Variants in EXT1 observed in about 807,000 individuals in gnomAD.
EXT1 encodes exostosin-1.
EXT1 carries 20 observed loss-of-function variants against 82.5 expected under a neutral mutation model. The observed-to-expected ratio is 0.24, with a 90% confidence interval of 0.17 to 0.35. EXT1 has a LOEUF of 0.35. Among genes scored for constraint, EXT1 ranks in the 10% least tolerant of loss-of-function variants. EXT1 has a pLI of 1.00. For missense variants in EXT1, 757 were observed against 936.5 expected, an observed-to-expected ratio of 0.81 and a Z score of 2.50; for synonymous variants, 348 against 350.8, an observed-to-expected ratio of 0.99 and a Z score of 0.09.
At position 117,976,390 on chromosome 8, in the gene EXT1, A is replaced by G. The variant is rs535895973; in HGVS notation, c.962+133695T>C. Among the ~76,000 whole-genome samples, 3 of 152,364 alleles carry G rather than the reference A, an allele frequency of 2.0e-5. No homozygotes were observed. The South Asian group carries it at 6.2e-4, about 32-fold the overall frequency. ...CACGCATAATGTTCACCCACAGTAG[A>G]ACGTGTAAACACACTCTGGCATATT... On this transcript the variant is annotated intron_variant, in intron 1 of 10. Transcript: ENST00000378204.
intron 1 of EXT1, among the ~76,000 whole-genome samples, chr8:117,980,637 G>A (rs1327688829): frequency 6.6e-6 from 1 of 150,486 alleles, no homozygotes; most frequent in Non-Finnish European, 1.5e-5. Context: ...TGACCCAGTG[G>A]TCTGTACTTT....
chr8:117,940,353 T>C (rs2129670556), intron 1 of EXT1, among the ~76,000 whole-genome samples: 1 of 152,278 alleles, frequency 6.6e-6, no homozygotes, highest in East Asian at 1.9e-4. Flanking sequence ...TCAATGGCTA[T>C]GGAATCCTGG....
intron 1 of EXT1, among the ~76,000 whole-genome samples, chr8:117,843,975 C>T (rs1410286256): frequency 1.3e-5 from 2 of 152,020 alleles, no homozygotes; most frequent in African/African-American, 4.8e-5. Flanking sequence ...ATGGGCTATT[C>T]GTTGCCAATT....
At position 118,065,197 on chromosome 8, in the gene EXT1, G is replaced by A. The variant is rs953534382; in HGVS notation, c.962+44888C>T. Among the ~76,000 whole-genome samples the A allele has an allele frequency of 2.0e-5, 3 of 152,032 alleles. 1 individual carries two copies. The South Asian group carries it at 6.2e-4, about 32-fold the overall frequency. ...TCACCATTCTAACTGGTATGAGATGGTATCTCATTGTGGTTCTGCTGTGCA... is the reference window on the plus strand; with the variant it reads ...TCACCATTCTAACTGGTATGAGATGATATCTCATTGTGGTTCTGCTGTGCA... On this transcript the variant is annotated intron_variant, in intron 1 of 10. Transcript: ENST00000378204.
intron 1 of EXT1, among the ~76,000 whole-genome samples, chr8:117,934,900 C>A (rs1814129618): frequency 6.6e-6 from 1 of 152,206 alleles, no homozygotes; most frequent in South Asian, 2.1e-4. Flanking sequence ...CTCAAAGCCA[C>A]TCCAGCCCTT....
At chr8:118,098,185 C>T (rs967166055) in intron 1 of EXT1, among the ~76,000 whole-genome samples, 30 of 152,230 alleles carry the variant, frequency 2.0e-4, no homozygotes, top group African/African-American at 6.5e-4. Context: ...TCTACCAATC[C>T]GTCAGGACAC....
intron 1 of EXT1, among the ~76,000 whole-genome samples, chr8:117,929,378 T>G (rs1814009056): frequency 6.6e-6 from 1 of 152,164 alleles, no homozygotes; most frequent in South Asian, 2.1e-4. Flanking sequence ...GGCACAAATA[T>G]GATACGAGCA....
In EXT1 at chr8:117,990,151, C is replaced by T. The variant is rs568614487; in HGVS notation, c.962+119934G>A. ...TTGCACCACTGCACTCCAGCCTAGG[C>T]GACAGAGCGAGACTCCGCCTAAAAA... On this transcript the variant is annotated intron_variant, in intron 1 of 10. Transcript: ENST00000378204. 8.2e-4 allele frequency among the ~76,000 whole-genome samples: 124 copies of T among 152,084 alleles called. 1 individual carries two copies. Among genetic ancestry groups the T allele is most frequent in the Middle Eastern group, 6.8e-3 (2 of 292 alleles).
At chr8:117,867,938 G>T (rs111549235) in intron 1 of EXT1, among the ~76,000 whole-genome samples, 17 of 152,130 alleles carry the variant, frequency 1.1e-4, no homozygotes, top group African/African-American at 4.1e-4. Flanking sequence ...GAGAAACTTG[G>T]GCTCAATATT....
chr8:117,800,861 G>A (rs920515192), intron 10 of EXT1, among the ~76,000 whole-genome samples: 1 of 152,212 alleles, frequency 6.6e-6, no homozygotes, highest in African/African-American at 2.4e-5. Context: ...ATGCCTTAAT[G>A]ACTGGAGTGC....
intron 1 of EXT1, among the ~76,000 whole-genome samples, chr8:118,063,423 A>C (rs553346097): frequency 1.3e-5 from 2 of 152,356 alleles, no homozygotes; most frequent in East Asian, 3.9e-4. Flanking sequence ...CCACAAAAGA[A>C]GATGAGGCAT....
At chr8:117,931,404 T>C (rs1385826509) in intron 1 of EXT1, among the ~76,000 whole-genome samples, 1 of 152,138 alleles carries the variant, frequency 6.6e-6, no homozygotes, top group African/African-American at 2.4e-5. Context: ...ATATTAGCAA[T>C]TGATAAATCT....
intron 10 of EXT1, among the ~76,000 whole-genome samples, chr8:117,800,601 T>C (rs1338535654): frequency 6.6e-6 from 1 of 152,232 alleles, no homozygotes; most frequent in Non-Finnish European, 1.5e-5. Context: ...TGACTAACTT[T>C]ATACTAAAAT....
intron 1 of EXT1, among the ~76,000 whole-genome samples, chr8:117,958,374 T>A (rs1814631150): frequency 6.6e-6 from 1 of 152,156 alleles, no homozygotes. Flanking sequence ...CTAAACCTTC[T>A]AAAATGACCT....
chr8:118,102,531 G>T (rs568982779), intron 1 of EXT1, among the ~76,000 whole-genome samples: 1 of 152,270 alleles, frequency 6.6e-6, no homozygotes, highest in East Asian at 1.9e-4. Context: ...TTTGTTTGCT[G>T]AAGTAGCCCC....
intron 6 of EXT1, 21 bp from the exon 7 acceptor site, chr8:117,818,551 T>A: frequency 6.3e-7 from 1 of 1,587,806 alleles, no homozygotes; most frequent in Non-Finnish European, 8.6e-7. Flanking sequence ...TGGGGCTCAT[T>A]AGATGGCTGG....
At chr8:117,857,389 CTA>C (rs1812583668) in intron 1 of EXT1, among the ~76,000 whole-genome samples, 1 of 152,074 alleles carries the variant, frequency 6.6e-6, no homozygotes, top group African/African-American at 2.4e-5. Context: ...GACCTCATCT[CTA>C]TAATCAAAAA....
At chr8:118,040,955 T>A (rs1397885477) in intron 1 of EXT1, among the ~76,000 whole-genome samples, 1 of 152,150 alleles carries the variant, frequency 6.6e-6, no homozygotes, top group African/African-American at 2.4e-5. Flanking sequence ...AGCTTCAGAG[T>A]CACATTACTG....
chr8:117,997,889 G>A (rs1208019454), intron 1 of EXT1, among the ~76,000 whole-genome samples: 2 of 152,112 alleles, frequency 1.3e-5, no homozygotes, highest in Non-Finnish European at 2.9e-5. Flanking sequence ...CCCTGACTGA[G>A]CAGCCTTTCC....
Sources: gnomAD v4.1 joint callset for allele counts (sites outside exome capture counted in the v4.1 genomes callset) on GRCh38, gnomAD v4.1.1 for gene constraint, MANE v1.5 for transcripts, NCBI Gene and HGNC (gene_info 2026-07-23, HGNC 2026-07-21) for gene names.